The following C8orf82 variants were observed in gnomAD, a reference collection of about 807,000 sequenced individuals.
C8orf82 encodes the protein chromosome 8 open reading frame 82, also known as UPF0598 protein C8orf82.
In C8orf82, 24 loss-of-function variants were observed where a neutral mutation model predicts 15.0. That is an observed-to-expected ratio of 1.60 (90% CI 1.16 to 2.24). The LOEUF (loss-of-function observed/expected upper bound fraction) is 2.24. C8orf82 is among the 30% of genes most tolerant of loss of function. The pLI, the probability that C8orf82 is intolerant of heterozygous loss-of-function variation, is 0.00. For missense variants in C8orf82, 388 were observed against 317.4 expected, an observed-to-expected ratio of 1.22 and a Z score of -1.69; for synonymous variants, 205 against 152.2, an observed-to-expected ratio of 1.35 and a Z score of -2.55.
intron 1 of C8orf82, chr8:144,528,529 C>G: frequency 1.4e-6 from 2 of 1,388,160 alleles, no homozygotes; most frequent in Non-Finnish European, 1.9e-6. Context: ...CATGTAGGAG[C>G]CTCGGCCCGG....
At position 144,527,405 on chromosome 8, in the gene C8orf82, C is replaced by T; in HGVS notation, c.588G>A (p.Gln196=). The T allele has an allele frequency of 8.0e-7, 1 of 1,242,290 alleles. No homozygotes were observed. The highest frequency in any genetic ancestry group is 2.2e-5 in the South Asian group (1 of 44,446). 77.0% of individuals were successfully genotyped at this position (1,242,290 alleles called of 1,614,324 possible). A position where few individuals can be genotyped will look rare whatever the true frequency, so the allele number is the denominator to read the frequency against. ...APALPSHVRW[Q]GRRLALTMDL... ...CCATGGTGAGGGCGAGGCGGCGGCC[C>T]TGCCAGCGCACGTGCGAGGGCAGCG... The change falls in exon 3 of 3, where the codon CAG becomes CAA. Residue 196 remains glutamine, a synonymous_variant. Transcript: ENST00000524821.
In C8orf82 at chr8:144,525,842, G is replaced by A. The variant is rs947126703; in HGVS notation, c.*1500C>T. The stretch of plus-strand genomic sequence containing the variant: ...CCTTGGGCCACCAACTGGGTTTCTG[G>A]TGTGGCTTCCCAAGTGGGCTCTGGG... On this transcript the variant is annotated 3_prime_UTR_variant, in exon 3 of 3. Transcript: ENST00000524821. 2.0e-5 allele frequency: 3 copies of A among 152,272 alleles called. No individual in the cohort carries two copies. The highest frequency in any genetic ancestry group is 4.8e-5 in the African/African-American group (2 of 41,458). The allele number at this position is 152,272 out of a possible 1,614,324, so 9.4% of individuals were successfully genotyped here. A position where few individuals can be genotyped will look rare whatever the true frequency, so the allele number is the denominator to read the frequency against.
intron 2 of C8orf82, 43 bp from the exon 3 acceptor site, chr8:144,527,830 A>C: frequency 6.3e-7 from 1 of 1,582,220 alleles, no homozygotes; most frequent in African/African-American, 1.3e-5. Context: ...CTGGGCTCCC[A>C]AGGCCTCCGG....
chr8:144,526,975 C>G lies in C8orf82; in HGVS notation c.*367G>C, dbSNP rs1368401589. ...GTCCCCTCACCTGACGCTCCCGCGG[C>G]GAGCGGCTCCCCCGCCGTGCAGGTG... On this transcript the variant is annotated 3_prime_UTR_variant, in exon 3 of 3. Transcript: ENST00000524821. 1 of 152,662 alleles carries G rather than the reference C, an allele frequency of 6.6e-6. No individual in the cohort carries two copies. Among genetic ancestry groups the G allele is most frequent in the East Asian group, 1.9e-4 (1 of 5,206 alleles). 9.5% of individuals were successfully genotyped at this position (152,662 alleles called of 1,614,324 possible). A position where few individuals can be genotyped will look rare whatever the true frequency, so the allele number is the denominator to read the frequency against.
Position 144,527,724 on chromosome 8 carries a change from G to A in C8orf82, c.269C>T (p.Ala90Val), listed in dbSNP as rs781105650. ...LRPNRSGRYEAAFPFLSPCGR... is the reference protein window; with the variant it reads ...LRPNRSGRYEVAFPFLSPCGR... ...GCAGGGCGAGAGGAAGGGGAAAGCG[G>A]CCTCGTAGCGCCCGCTGCGGTTGGG... The change falls in exon 3 of 3, where the codon GCC becomes GTC. Residue 90 changes from alanine to valine, a missense_variant. Physicochemically the swap from Ala to Val is moderately conservative, Grantham distance 64 (BLOSUM62 0). Transcript: ENST00000524821. The A allele has an allele frequency of 4.3e-5, 69 of 1,591,526 alleles. No homozygotes were observed. Among genetic ancestry groups the A allele is most frequent in the Non-Finnish European group, 5.7e-5 (67 of 1,176,314 alleles).
intron 1 of C8orf82, chr8:144,528,291 C>T: frequency 1.3e-6 from 2 of 1,508,858 alleles, no homozygotes; most frequent in Non-Finnish European, 1.8e-6. Flanking sequence ...TCAGCCAATT[C>T]TTTCCCGCAC....
Position 144,528,077 on chromosome 8 carries a change from A to G in C8orf82, c.157-5T>C. On this transcript the variant is annotated splice_polypyrimidine_tract_variant and splice_region_variant and intron_variant, in intron 1 of 2. Transcript: ENST00000524821. ...TTTGGAATCATCCAGGAAAAGCTGC[A>G]GATAGAGGGCCAGGCCGTGATAAGT... The G allele has an allele frequency of 6.2e-7, 1 of 1,612,252 alleles. No individual in the cohort carries two copies. Among genetic ancestry groups the G allele is most frequent in the Non-Finnish European group, 8.5e-7 (1 of 1,179,566 alleles).
rs923551330 is a variant in C8orf82, at chr8:144,529,023, C to A, written c.-107G>T. 36 of 1,190,610 alleles carry A rather than the reference C, an allele frequency of 3.0e-5. No individual in the cohort carries two copies. The Admixed American group carries it at 1.4e-3, about 47-fold the overall frequency. The allele number at this position is 1,190,610 out of a possible 1,614,324, so 73.8% of individuals were successfully genotyped here. ...CGCTTCGCGTTCCGGCGGCGCCCGCCTCCGCGACCCGGGCCCGGCGCTCTT... is the reference window on the plus strand; with the variant it reads ...CGCTTCGCGTTCCGGCGGCGCCCGCATCCGCGACCCGGGCCCGGCGCTCTT... On this transcript the variant is annotated 5_prime_UTR_variant, in exon 1 of 3. In the 5' UTR this introduces an upstream ATG that the reference lacks. Coordinates refer to ENST00000524821, the MANE Select transcript of C8orf82 (RefSeq NM_001001795.2).
In C8orf82 at chr8:144,527,605, A is replaced by G; in HGVS notation, c.388T>C (p.Cys130Arg). The G allele has an allele frequency of 6.6e-7, 1 of 1,523,772 alleles. No homozygotes were observed. The highest frequency in any genetic ancestry group is 8.8e-7 in the Non-Finnish European group (1 of 1,140,286). The allele number at this position is 1,523,772 out of a possible 1,614,324, so 94.4% of individuals were successfully genotyped here. A position where few individuals can be genotyped will look rare whatever the true frequency, so the allele number is the denominator to read the frequency against. ...ACGGCCAGGGCCTCGCCACCGCCGCAGTAGGAGAGGCGCGGAGGCCCGTGG... is the reference window on the plus strand; with the variant it reads ...ACGGCCAGGGCCTCGCCACCGCCGCGGTAGGAGAGGCGCGGAGGCCCGTGG... ...ADHGPPRLSY[C>R]GGGEALAVPF... Residue 130 changes from cysteine (C) to arginine (R), a missense_variant, in exon 3 of 3, where the codon TGC becomes CGC. By Grantham distance (180) the Cys-to-Arg change is radical. Transcript: ENST00000524821.
At chr8:144,527,862 A>G (rs572799090) in intron 2 of C8orf82, 75 bp from the exon 3 acceptor site, 30 of 1,545,306 alleles carry the variant, frequency 1.9e-5, no homozygotes, top group Non-Finnish European at 1.8e-6. Context: ...TACCGAGGGC[A>G]GGCGCCGACG....
intron 2 of C8orf82, 106 bp downstream of exon 2, chr8:144,527,918 G>C: frequency 6.7e-7 from 1 of 1,500,412 alleles, no homozygotes; most frequent in Non-Finnish European, 9.2e-7. Flanking sequence ...CTGAGCGCAG[G>C]ACGCCCACTC....
rs1816396945 is a variant in C8orf82 at position 144,527,197 on chromosome 8, G to C, written c.*145C>G. The stretch of plus-strand genomic sequence containing the variant: ...GAGGGCCGGGCCGCGGCAGCACCAA[G>C]GACAGCGCCGGGTGGGGGCGGGGCC... On this transcript the variant is annotated 3_prime_UTR_variant, in exon 3 of 3. Coordinates refer to ENST00000524821, the MANE Select transcript of C8orf82 (RefSeq NM_001001795.2). 2.1e-6 allele frequency: 1 copy of C among 486,978 alleles called. No homozygotes were observed. Among genetic ancestry groups the C allele is most frequent in the Middle Eastern group, 7.7e-4 (1 of 1,306 alleles). The allele number at this position is 486,978 out of a possible 1,614,324, so 30.2% of individuals were successfully genotyped here. A position where few individuals can be genotyped will look rare whatever the true frequency, so the allele number is the denominator to read the frequency against.
At position 144,527,411 on chromosome 8, in the gene C8orf82, G is replaced by C. The variant is rs1391505040; in HGVS notation, c.582C>G (p.Arg194=). 4.8e-6 allele frequency: 6 copies of C among 1,242,806 alleles called. No homozygotes were observed. Among genetic ancestry groups the C allele is most frequent in the South Asian group, 4.5e-5 (2 of 44,292 alleles). 77.0% of individuals were successfully genotyped at this position (1,242,806 alleles called of 1,614,324 possible). A position where few individuals can be genotyped will look rare whatever the true frequency, so the allele number is the denominator to read the frequency against. Residue 194 remains arginine, a synonymous_variant, in exon 3 of 3, where the codon CGC becomes CGG. Coordinates refer to ENST00000524821, the MANE Select transcript of C8orf82 (RefSeq NM_001001795.2). The part of the protein sequence containing the change: ...PGAPALPSHV[R]WQGRRLALTM... ...TGAGGGCGAGGCGGCGGCCCTGCCA[G>C]CGCACGTGCGAGGGCAGCGCAGGCG...
In C8orf82 at chr8:144,527,133, T is replaced by C. The variant is rs903307527; in HGVS notation, c.*209A>G. On this transcript the variant is annotated 3_prime_UTR_variant, in exon 3 of 3. Coordinates refer to ENST00000524821, the MANE Select transcript of C8orf82 (RefSeq NM_001001795.2). ...CAATCCGGAGGGCGCCGGAGTCGGG[T>C]GCGCGGGGGGCGCGCGCCGTGGGGA... 1.8e-5 allele frequency: 4 copies of C among 223,802 alleles called. No individual in the cohort carries two copies. The highest frequency in any genetic ancestry group is 9.4e-5 in the African/African-American group (4 of 42,766). 13.9% of individuals were successfully genotyped at this position (223,802 alleles called of 1,614,324 possible).
Position 144,526,690 on chromosome 8 carries a change from G to C in C8orf82, c.*652C>G, listed in dbSNP as rs1447155951. On this transcript the variant is annotated 3_prime_UTR_variant, in exon 3 of 3. Transcript: ENST00000524821. The stretch of plus-strand genomic sequence containing the variant: ...GATGGAACGCCCTGTGTCTGCCTCG[G>C]GCGCAGTGCGAGGCCCAAGCTGGTC... 2 of 152,258 alleles carry C rather than the reference G, an allele frequency of 1.3e-5. No homozygotes were observed. The highest frequency in any genetic ancestry group is 2.9e-5 in the Non-Finnish European group (2 of 68,042). 9.4% of individuals were successfully genotyped at this position (152,258 alleles called of 1,614,324 possible).
rs1219447258 is a variant in C8orf82 at position 144,527,636 on chromosome 8, G to A, written c.357C>T (p.Thr119=). 6.5e-7 allele frequency: 1 copy of A among 1,538,790 alleles called. No homozygotes were observed. Among genetic ancestry groups the A allele is most frequent in the Admixed American group, 1.9e-5 (1 of 51,474 alleles). The change falls in exon 3 of 3, where the codon ACC becomes ACT. Residue 119 remains threonine, a synonymous_variant. Transcript: ENST00000524821. The part of the protein sequence containing the change: ...DRPVVFTHLL[T]ADHGPPRLSY... ...AGAGGCGCGGAGGCCCGTGGTCCGC[G>A]GTCAGCAGGTGCGTGAAGACCACCG...
At chr8:144,528,616 C>CCCGGGGGGGG in intron 1 of C8orf82, 145 bp downstream of exon 1, 2 of 296,004 alleles carry the variant, frequency 6.8e-6, no homozygotes, top group Non-Finnish European at 1.0e-5. Context: ...GCGCAGGCCC[C>CCCGGGGGGGG]GCCCACCCAC....
At position 144,529,037 on chromosome 8, in the gene C8orf82, C is replaced by G. The variant is rs368594520; in HGVS notation, c.-121G>C. 170 of 1,067,392 alleles carry G rather than the reference C, an allele frequency of 1.6e-4. 1 individual carries two copies. The East Asian group carries it at 5.0e-3, about 32-fold the overall frequency. 66.1% of individuals were successfully genotyped at this position (1,067,392 alleles called of 1,614,324 possible). On this transcript the variant is annotated 5_prime_UTR_variant, in exon 1 of 3. Coordinates refer to ENST00000524821, the MANE Select transcript of C8orf82 (RefSeq NM_001001795.2). ...GCGGCGCCCGCCTCCGCGACCCGGG[C>G]CCGGCGCTCTTCCCTCTCCCTCGGG... is the stretch of plus-strand genomic sequence containing the variant.
In C8orf82 at chr8:144,528,767, C is replaced by G. The variant is rs777942397; in HGVS notation, c.150G>C (p.Gln50His). The change falls in exon 1 of 3, where the codon CAG (glutamine) becomes CAC (histidine). Residue 50 changes from glutamine (Q) to histidine (H), a missense_variant. Coordinates refer to ENST00000524821, the MANE Select transcript of C8orf82 (RefSeq NM_001001795.2). ...CGGCCCTGCCCCCGCCCACCTGGCC[C>G]TGGTGGTCCACGTAGTAGAAATACT... is the stretch of plus-strand genomic sequence containing the variant. ...TREYFYYVDH[Q>H]GQLFLDDSKM... The G allele has an allele frequency of 1.4e-6, 2 of 1,413,376 alleles. No homozygotes were observed. Among genetic ancestry groups the G allele is most frequent in the African/African-American group, 3.1e-5 (2 of 64,982 alleles). The allele number at this position is 1,413,376 out of a possible 1,614,324, so 87.6% of individuals were successfully genotyped here.
Sources: allele counts gnomAD v4.1 joint callset, GRCh38; gene constraint gnomAD v4.1.1; transcripts MANE v1.5; gene names NCBI Gene and HGNC (gene_info 2026-07-23, HGNC 2026-07-21).